Variants in COMMD10 observed in about 807,000 individuals in gnomAD.
COMMD10 encodes the protein COMM domain containing 10.
Under a neutral mutation model 28.9 loss-of-function variants are expected in COMMD10, and 33 were observed. The observed-to-expected ratio is 1.14, with a 90% CI of 0.87 to 1.53. The LOEUF is 1.53. COMMD10 is among the 40% of genes most tolerant of loss of function. The pLI, the probability that COMMD10 is intolerant of heterozygous loss-of-function variation, is 0.00. For synonymous variants in COMMD10, 110 were observed against 81.7 expected, an observed-to-expected ratio of 1.35 and a Z score of -1.87; for missense variants, 310 against 233.4, an observed-to-expected ratio of 1.33 and a Z score of -2.14.
chr5:116,147,345 C>A (rs1489829612), intron 5 of COMMD10, among the ~76,000 whole-genome samples: 2 of 151,796 alleles, frequency 1.3e-5, no homozygotes, highest in Admixed American at 1.3e-4. Flanking sequence ...CACGAATTAT[C>A]CTAACCTTTG....
At chr5:116,248,829 G>T (rs759862631) in intron 5 of COMMD10, among the ~76,000 whole-genome samples, 1 of 151,820 alleles carries the variant, frequency 6.6e-6, no homozygotes, top group Admixed American at 6.6e-5. Flanking sequence ...TGACAAAATT[G>T]AAATGGAAGA....
chr5:116,227,774 T>C (rs1373764056), intron 5 of COMMD10, among the ~76,000 whole-genome samples: 2 of 152,070 alleles, frequency 1.3e-5, no homozygotes, highest in Admixed American at 6.6e-5. Context: ...TGTTAAAAAG[T>C]TACTATCAGT....
chr5:116,142,772 T>C (rs1752233906), intron 5 of COMMD10, among the ~76,000 whole-genome samples: 1 of 151,796 alleles, frequency 6.6e-6, no homozygotes, highest in African/African-American at 2.4e-5. Context: ...ATGTGTATTT[T>C]GTTTTATTAT....
chr5:116,219,617 G>T (rs1194464286), intron 5 of COMMD10, among the ~76,000 whole-genome samples: 1 of 152,126 alleles, frequency 6.6e-6, no homozygotes, highest in Non-Finnish European at 1.5e-5. Context: ...TTCCAAGAGG[G>T]AATATAGCCC....
chr5:116,240,820 C>T (rs1749790598), intron 5 of COMMD10, among the ~76,000 whole-genome samples: 1 of 152,130 alleles, frequency 6.6e-6, no homozygotes, highest in African/African-American at 2.4e-5. Context: ...GAACTTGTAG[C>T]TATTGTTCTA....
chr5:116,186,128 A>G (rs545098849), intron 5 of COMMD10, among the ~76,000 whole-genome samples: 1 of 152,150 alleles, frequency 6.6e-6, no homozygotes, highest in Non-Finnish European at 1.5e-5. Flanking sequence ...AAACATGTTC[A>G]AATAAATCCA....
At chr5:116,104,150 A>G (rs564368132) in intron 4 of COMMD10, among the ~76,000 whole-genome samples, 1 of 152,284 alleles carries the variant, frequency 6.6e-6, no homozygotes, top group African/African-American at 2.4e-5. Flanking sequence ...GTTCCATGTG[A>G]AATTTAAAGT....
intron 5 of COMMD10, among the ~76,000 whole-genome samples, chr5:116,191,280 G>T (rs1236564579): frequency 1.3e-5 from 2 of 152,088 alleles, no homozygotes; most frequent in Non-Finnish European, 2.9e-5. Flanking sequence ...TTTGAATGGG[G>T]TGAGAAGCCT....
At chr5:116,150,465 G>C (rs539174900) in intron 5 of COMMD10, among the ~76,000 whole-genome samples, 1 of 151,908 alleles carries the variant, frequency 6.6e-6, no homozygotes, top group Non-Finnish European at 1.5e-5. Flanking sequence ...CTATTTTCAT[G>C]ATATTGATTC....
intron 4 of COMMD10, among the ~76,000 whole-genome samples, chr5:116,123,170 C>A (rs947774057): frequency 6.6e-6 from 1 of 151,876 alleles, no homozygotes; most frequent in Non-Finnish European, 1.5e-5. Flanking sequence ...TATTGGAATA[C>A]CATCAATACC....
At chr5:116,111,879 CT>C (rs1160808863) in intron 4 of COMMD10, among the ~76,000 whole-genome samples, 1 of 152,064 alleles carries the variant, frequency 6.6e-6, no homozygotes, top group Non-Finnish European at 1.5e-5. Flanking sequence ...GTGACGTCCC[CT>C]ATTATTGTTT....
chr5:116,223,583 A>G (rs1749319272), intron 5 of COMMD10, among the ~76,000 whole-genome samples: 1 of 152,172 alleles, frequency 6.6e-6, no homozygotes, highest in Admixed American at 6.5e-5. Flanking sequence ...GGGAGATTTA[A>G]CCTAATCCAG....
At chr5:116,264,572 A>G (rs1042021839) in intron 5 of COMMD10, among the ~76,000 whole-genome samples, 1 of 151,902 alleles carries the variant, frequency 6.6e-6, no homozygotes, top group Non-Finnish European at 1.5e-5. Flanking sequence ...AGGTCAAGTC[A>G]AGGCTTAATT....
intron 5 of COMMD10, among the ~76,000 whole-genome samples, chr5:116,144,190 TTAGAGGATA>T (rs1216266060): frequency 6.6e-6 from 1 of 151,794 alleles, no homozygotes; most frequent in African/African-American, 2.4e-5. Flanking sequence ...AAGAGATCAC[TTAGAGGATA>T]TATTAGAACT....
At chr5:116,180,218 C>T (rs528345468) in intron 5 of COMMD10, among the ~76,000 whole-genome samples, 8 of 152,106 alleles carry the variant, frequency 5.3e-5, no homozygotes, top group African/African-American at 1.7e-4. Flanking sequence ...ATGTATAAAA[C>T]ATTTTTGAAT....
At chr5:116,179,880 G>A (rs911626478) in intron 5 of COMMD10, among the ~76,000 whole-genome samples, 1 of 151,958 alleles carries the variant, frequency 6.6e-6, no homozygotes, top group Non-Finnish European at 1.5e-5. Context: ...GACATTTCTT[G>A]GGGGAAAATG....
chr5:116,174,623 A>G (rs1044348163), intron 5 of COMMD10, among the ~76,000 whole-genome samples: 1 of 129,996 alleles, frequency 7.7e-6, no homozygotes, highest in African/African-American at 4.1e-5. Flanking sequence ...AATACTTTGA[A>G]GGGAATATGG....
intron 5 of COMMD10, among the ~76,000 whole-genome samples, chr5:116,236,072 G>T (rs1749652343): frequency 6.6e-6 from 1 of 152,068 alleles, no homozygotes; most frequent in South Asian, 2.1e-4. Flanking sequence ...GTTAGAAAAG[G>T]ATACATGTTA....
chr5:116,178,552 G>A (rs910416223), intron 5 of COMMD10, among the ~76,000 whole-genome samples: 2 of 152,088 alleles, frequency 1.3e-5, no homozygotes, highest in Admixed American at 6.6e-5. Context: ...TTTTAAAAAT[G>A]TGTGCATAAC....
Sources: gnomAD v4.1 joint callset for allele counts (sites outside exome capture counted in the v4.1 genomes callset) on GRCh38, gnomAD v4.1.1 for gene constraint, MANE v1.5 for transcripts, NCBI Gene and HGNC (gene_info 2026-07-23, HGNC 2026-07-21) for gene names.